The following PNLDC1 variants were observed in gnomAD, a reference collection of about 807,000 sequenced individuals.
The protein encoded by PNLDC1 is PARN like ribonuclease domain containing exonuclease 1, also known as poly(A)-specific ribonuclease PNLDC1.
In PNLDC1, 70 loss-of-function variants were observed where a neutral mutation model predicts 82.0. The observed-to-expected ratio is 0.85, with a 90% confidence interval of 0.70 to 1.04. PNLDC1 has a LOEUF of 1.04. Ranked by LOEUF, PNLDC1 falls within the 50% of genes least tolerant of loss-of-function variation. The pLI is 0.00. For missense variants in PNLDC1, 631 were observed against 661.1 expected (o/e 0.95, Z 0.50); for synonymous variants, 280 against 249.3 (o/e 1.12, Z -1.16).
intron 2 of PNLDC1, 70 bp from the exon 3 acceptor site, chr6:159,801,043 C>G: frequency 1.3e-6 from 2 of 1,549,012 alleles, no homozygotes; most frequent in Non-Finnish European, 1.8e-6. Context: ...AGTGGTGGTC[C>G]TGCCGCGGAG....
chr6:159,804,223 C>T (rs1781365507), intron 5 of PNLDC1, 135 bp downstream of exon 5: 2 of 1,065,474 alleles, frequency 1.9e-6, no homozygotes, highest in South Asian at 3.1e-5. Context: ...GCTTCAGCCT[C>T]CCAAGTAGCT....
At chr6:159,802,998 G>C (rs1353971927) in intron 3 of PNLDC1, among the ~76,000 whole-genome samples, 1 of 152,024 alleles carries the variant, frequency 6.6e-6, no homozygotes, top group East Asian at 1.9e-4. Flanking sequence ...TCTGTGGATA[G>C]TTTTAAAACT....
At chr6:159,801,502 A>G (rs765688929) in intron 3 of PNLDC1, among the ~76,000 whole-genome samples, 1 of 152,194 alleles carries the variant, frequency 6.6e-6, no homozygotes, top group African/African-American at 2.4e-5. Flanking sequence ...ACTGGAGTGC[A>G]GTAGCATAGT....
chr6:159,801,794 T>A (rs200958486), intron 3 of PNLDC1, among the ~76,000 whole-genome samples: 2 of 149,832 alleles, frequency 1.3e-5, no homozygotes, highest in Non-Finnish European at 3.0e-5. Context: ...TAATTTTTTT[T>A]AAGGTCATCT....
intron 3 of PNLDC1, among the ~76,000 whole-genome samples, chr6:159,801,765 G>A (rs1158172091): frequency 1.4e-5 from 2 of 142,388 alleles, no homozygotes; most frequent in Non-Finnish European, 3.1e-5. Flanking sequence ...TTTTTCTTAA[G>A]AAAATTTACA....
intron 16 of PNLDC1, 85 bp downstream of exon 16, chr6:159,818,739 G>A: frequency 1.4e-6 from 2 of 1,390,212 alleles, no homozygotes; most frequent in East Asian, 2.3e-5. Flanking sequence ...TGGGACTCGT[G>A]AGAGGGATTT....
In PNLDC1 at chr6:159,819,745, G is replaced by T. The variant is rs1175913761; in HGVS notation, c.1532+393G>T. On this transcript the variant is annotated intron_variant, in intron 18 of 18. Transcript: ENST00000392167. This position sits in a 1 kb window ranked among gnomAD's most constrained non-coding sequence, Gnocchi z 4.6. ...GGAGCTGATGGGGGTCTTCATTAGA[G>T]ACTTGGAGTGAGCCAGGCGGAGGGG... 6.6e-6 allele frequency among the ~76,000 whole-genome samples: 1 copy of T among 152,186 alleles called. No homozygotes were observed. The highest frequency in any genetic ancestry group is 2.4e-5 in the African/African-American group (1 of 41,446).
chr6:159,799,729 G>A (rs973909692), upstream of PNLDC1, among the ~76,000 whole-genome samples: 3 of 152,144 alleles, frequency 2.0e-5, no homozygotes, highest in African/African-American at 7.2e-5. Context: ...TCAATTTAAT[G>A]GGCAGTTCTT....
At chr6:159,816,660 C>G (rs1279028570) in intron 14 of PNLDC1, 64 bp downstream of exon 14, 1 of 1,396,810 alleles carries the variant, frequency 7.2e-7, no homozygotes, top group African/African-American at 1.4e-5. Context: ...GAGACAGGGT[C>G]TCACTCTGTT....
intron 15 of PNLDC1, 96 bp downstream of exon 15, chr6:159,817,247 A>G: frequency 8.7e-7 from 1 of 1,153,590 alleles, no homozygotes; most frequent in Non-Finnish European, 1.3e-6. Flanking sequence ...CCAGGGTTCT[A>G]CCAAAGAAGG....
chr6:159,799,543 G>C (rs9457730), upstream of PNLDC1, among the ~76,000 whole-genome samples: 33,437 of 152,116 alleles, frequency 0.22, 3,825 homozygotes, highest in East Asian at 0.4. Flanking sequence ...GTTCCAAAAC[G>C]CTGTTCAAGT....
Position 159,804,015 on chromosome 6 carries a change from T to C in PNLDC1, c.299T>C (p.Ile100Thr). ...TATCTCTTCCCTACAACGTTTGGGA[T>C]TTTGGACTCAGAATTCTCCTTCCAG... The part of the protein sequence containing the change: ...NFYLFPTTFG[I>T]LDSEFSFQAS... Residue 100 changes from isoleucine (I) to threonine (T), a missense_variant, in exon 5 of 19, where the codon ATT becomes ACT. By Grantham distance (89) the Ile-to-Thr change is moderately conservative. Coordinates refer to ENST00000392167, the MANE Select transcript of PNLDC1 (RefSeq NM_001271862.2). The C allele has an allele frequency of 1.2e-6, 2 of 1,613,490 alleles. No homozygotes were observed.
rs1781860996 is a variant in PNLDC1, at chr6:159,817,106, T to C, written c.1115-3T>C. 1.2e-6 allele frequency: 2 copies of C among 1,611,626 alleles called. No homozygotes were observed. Among genetic ancestry groups the C allele is most frequent in the Admixed American group, 3.3e-5 (2 of 60,026 alleles). On this transcript the variant is annotated splice_polypyrimidine_tract_variant and splice_region_variant and intron_variant, in intron 14 of 18. Transcript: ENST00000392167. ...TTGCATTTCTGTCTTTTTTCCTTCC[T>C]AGTTCTTTTGAAAGTGGCACACTTG... is the stretch of plus-strand genomic sequence containing the variant.
chr6:159,811,415 T>C (rs1251290861), intron 10 of PNLDC1, among the ~76,000 whole-genome samples: 3 of 152,230 alleles, frequency 2.0e-5, no homozygotes, highest in East Asian at 1.9e-4. Context: ...TTTTAAGTCT[T>C]ATCCCATCGG....
intron 5 of PNLDC1, 72 bp from the exon 6 acceptor site, chr6:159,804,477 C>A: frequency 9.6e-7 from 1 of 1,041,396 alleles, no homozygotes; most frequent in Non-Finnish European, 1.5e-6. Flanking sequence ...TACCTGTCCT[C>A]GTGAAATCAG....
At position 159,803,396 on chromosome 6, in the gene PNLDC1, G is replaced by A. The variant is rs922801990; in HGVS notation, c.248+86G>A. On this transcript the variant is annotated intron_variant, in intron 4 of 18. Coordinates refer to ENST00000392167, the MANE Select transcript of PNLDC1 (RefSeq NM_001271862.2). The stretch of plus-strand genomic sequence containing the variant: ...CTTCAAATTCTGCCTCAGGTGCCCC[G>A]ATCACTTTTGCCCTGGATCTTCCGT... 4.0e-5 allele frequency: 50 copies of A among 1,262,822 alleles called. No homozygotes were observed. The South Asian group carries it at 4.0e-4, about 10-fold the overall frequency. The allele number at this position is 1,262,822 out of a possible 1,614,324, so 78.2% of individuals were successfully genotyped here. A position where few individuals can be genotyped will look rare whatever the true frequency, so the allele number is the denominator to read the frequency against.
intron 12 of PNLDC1, among the ~76,000 whole-genome samples, chr6:159,815,544 T>C (rs1781784323): frequency 6.6e-6 from 1 of 152,176 alleles, no homozygotes; most frequent in Admixed American, 6.5e-5. Context: ...CATTGGATCA[T>C]GTGGTTTGGG....
Position 159,806,071 on chromosome 6 carries a change from C to T in PNLDC1, c.550C>T (p.Pro184Ser), listed in dbSNP as rs1223947669. The T allele has an allele frequency of 6.2e-7, 1 of 1,613,780 alleles. No homozygotes were observed. Reference sequence around the variant, plus strand: ...CAAGGAAGGCGACTGGATGACTCTTCCTGGGATCACTGGTAGGCAGGGCCT... The same window carrying T: ...CAAGGAAGGCGACTGGATGACTCTTTCTGGGATCACTGGTAGGCAGGGCCT... The part of the protein sequence containing the change: ...LAKEGDWMTL[P>S]GITGFQAFEV... The change falls in exon 7 of 19, where the codon CCT (proline) becomes TCT (serine). Residue 184 changes from proline to serine, a missense_variant. Pro to Ser is a moderately conservative substitution (Grantham distance 74). Transcript: ENST00000392167.
In PNLDC1 at chr6:159,820,465, T is replaced by C. The variant is rs1455123245; in HGVS notation, c.1544T>C (p.Ile515Thr). ...TCATTGTCTTGCAGAGTCTGTGGCATAGTGACTGCCTGGGCCCTTCTCGCG... is the reference window on the plus strand; with the variant it reads ...TCATTGTCTTGCAGAGTCTGTGGCACAGTGACTGCCTGGGCCCTTCTCGCG... ...NVNCLLQVCG[I>T]VTAWALLAFI... The change falls in exon 19 of 19, where the codon ATA becomes ACA. Residue 515 changes from isoleucine to threonine, a missense_variant. Physicochemically the swap from Ile to Thr is moderately conservative, Grantham distance 89. Transcript: ENST00000392167. 9.9e-6 allele frequency: 16 copies of C among 1,614,150 alleles called. No homozygotes were observed. Among genetic ancestry groups the C allele is most frequent in the Non-Finnish European group, 1.4e-5 (16 of 1,180,020 alleles).
Sources: allele counts gnomAD v4.1 joint callset (sites outside exome capture counted in the v4.1 genomes callset), GRCh38; gene constraint gnomAD v4.1.1; non-coding constraint Gnocchi (gnomAD v3.1); transcripts MANE v1.5; gene names NCBI Gene and HGNC (gene_info 2026-07-23, HGNC 2026-07-21).